Variants in EYS observed in about 807,000 individuals in gnomAD.
EYS encodes the protein protein eyes shut homolog.
In EYS, 250 loss-of-function variants were observed where a neutral mutation model predicts 282.1. That is an observed-to-expected ratio of 0.89 (90% confidence interval 0.80 to 0.98). The LOEUF is 0.98. Ranked by LOEUF, EYS falls within the 50% of genes least tolerant of loss-of-function variation. EYS has a pLI of 0.00. For synonymous variants in EYS, 1,355 were observed against 1,282.9 expected (o/e 1.06, Z -1.20); for missense variants, 4,016 against 3,709.0 (o/e 1.08, Z -2.15).
At chr6:64,217,159 A>C (rs1259231056) in intron 31 of EYS, among the ~76,000 whole-genome samples, 2 of 152,204 alleles carry the variant, frequency 1.3e-5, no homozygotes, top group Non-Finnish European at 2.9e-5. Context: ...GAATTCAGCT[A>C]TGTCTTCGGA....
chr6:65,654,214 C>T (rs1767743912), intron 1 of EYS, among the ~76,000 whole-genome samples: 1 of 151,738 alleles, frequency 6.6e-6, no homozygotes, highest in African/African-American at 2.4e-5. Flanking sequence ...AAAAAGGTAG[C>T]ATGAAACTAT....
In EYS at chr6:64,790,327, C is replaced by A. The variant is rs1036500743; in HGVS notation, c.3443+23051G>T. 9.5e-4 allele frequency among the ~76,000 whole-genome samples: 144 copies of A among 151,892 alleles called. 1 individual carries two copies. Among genetic ancestry groups the A allele is most frequent in the African/African-American group, 3.4e-3 (140 of 41,498 alleles). ...CCCATGTCATAAACCTGCACATACA[C>A]CCCCTGAACCTAAAAGTTGAAAAAC... On this transcript the variant is annotated intron_variant, in intron 22 of 42. Transcript: ENST00000503581.
intron 14 of EYS, among the ~76,000 whole-genome samples, chr6:64,958,592 G>A (rs62416464): frequency 0.14 from 21,080 of 150,978 alleles, 1,576 homozygotes; most frequent in East Asian, 0.24. Context: ...AAAATTAGCC[G>A]GGCGCAGTGG....
At chr6:64,063,989 T>C (rs970921725) in intron 33 of EYS, among the ~76,000 whole-genome samples, 3 of 152,020 alleles carry the variant, frequency 2.0e-5, no homozygotes, top group African/African-American at 7.2e-5. Context: ...CCCAAATGGT[T>C]TTTTCATGTA....
At chr6:64,049,731 G>A (rs1016037038) in intron 33 of EYS, among the ~76,000 whole-genome samples, 31 of 152,094 alleles carry the variant, frequency 2.0e-4, no homozygotes, top group Admixed American at 9.2e-4. Context: ...GGCACTTGGC[G>A]GAGAAACTAG....
At chr6:64,820,452 G>A (rs146262088) in intron 21 of EYS, among the ~76,000 whole-genome samples, 71 of 152,170 alleles carry the variant, frequency 4.7e-4, no homozygotes, top group African/African-American at 1.6e-3. Flanking sequence ...GGCAATATTT[G>A]CAGTAATGCA....
intron 12 of EYS, among the ~76,000 whole-genome samples, chr6:65,119,933 C>A (rs910676631): frequency 6.6e-6 from 1 of 151,278 alleles, no homozygotes; most frequent in Non-Finnish European, 1.5e-5. Flanking sequence ...GTCAGGAGAT[C>A]GAGACCATCC....
At chr6:65,294,197 C>T (rs1260010809) in intron 12 of EYS, among the ~76,000 whole-genome samples, 1 of 151,874 alleles carries the variant, frequency 6.6e-6, no homozygotes, top group Non-Finnish European at 1.5e-5. Context: ...CTACTTTAAA[C>T]TGCCCCCAAA....
At chr6:65,164,740 C>A (rs1213162443) in intron 12 of EYS, among the ~76,000 whole-genome samples, 1 of 151,266 alleles carries the variant, frequency 6.6e-6, no homozygotes, top group Non-Finnish European at 1.5e-5. Flanking sequence ...ATGTTGGTTA[C>A]TTCGGAGTGC....
chr6:65,696,865 G>A (rs6916913), intron 1 of EYS, among the ~76,000 whole-genome samples: 124,135 of 151,994 alleles, frequency 0.82, 50,794 homozygotes, highest in East Asian at 0.85. Context: ...AGTACTTAGA[G>A]TGTAGAATTC....
chr6:64,989,095 T>C (rs1770962467), intron 14 of EYS, among the ~76,000 whole-genome samples: 1 of 151,348 alleles, frequency 6.6e-6, no homozygotes, highest in South Asian at 2.1e-4. Flanking sequence ...TGAAGCATTT[T>C]ACATTTAATT....
intron 9 of EYS, among the ~76,000 whole-genome samples, chr6:65,351,386 T>C (rs1045609471): frequency 9.2e-5 from 14 of 151,816 alleles, no homozygotes; most frequent in Non-Finnish European, 1.6e-4. Flanking sequence ...ATAATTGCTT[T>C]CTGCTAAGTT....
chr6:64,067,287 C>T (rs1229160962), intron 32 of EYS, among the ~76,000 whole-genome samples: 1 of 152,064 alleles, frequency 6.6e-6, no homozygotes, highest in African/African-American at 2.4e-5. Flanking sequence ...AAGCATAAAG[C>T]TCAGTAAGTA....
chr6:63,947,028 C>T (rs1375410184), intron 35 of EYS, among the ~76,000 whole-genome samples: 2 of 151,732 alleles, frequency 1.3e-5, no homozygotes, highest in Non-Finnish European at 2.9e-5. Flanking sequence ...CCAAATATGC[C>T]TCAAAGGTAG....
chr6:64,421,354 C>G (rs887157500), intron 28 of EYS, among the ~76,000 whole-genome samples: 4 of 152,122 alleles, frequency 2.6e-5, no homozygotes, highest in African/African-American at 9.7e-5. Flanking sequence ...GGCTCCCTCC[C>G]ATGAACGTGG....
intron 12 of EYS, among the ~76,000 whole-genome samples, chr6:65,179,753 A>G (rs1240274301): frequency 6.6e-6 from 1 of 152,062 alleles, no homozygotes; most frequent in Non-Finnish European, 1.5e-5. Context: ...GACACAACAT[A>G]AAAAGAGAAT....
intron 2 of EYS, among the ~76,000 whole-genome samples, chr6:65,552,607 T>G (rs527891403): frequency 6.6e-6 from 1 of 152,236 alleles, no homozygotes; most frequent in South Asian, 2.1e-4. Context: ...GAAGCTGAAA[T>G]TTTCAATTTA....
chr6:64,885,781 C>A (rs1331994736), intron 19 of EYS, among the ~76,000 whole-genome samples: 1 of 151,724 alleles, frequency 6.6e-6, no homozygotes, highest in African/African-American at 2.4e-5. Flanking sequence ...TTTAAGGTCA[C>A]GTAACTTTCT....
intron 29 of EYS, among the ~76,000 whole-genome samples, chr6:64,333,573 A>C (rs1050196366): frequency 2.0e-5 from 3 of 152,158 alleles, no homozygotes; most frequent in Admixed American, 6.5e-5. Context: ...CATGCAACCC[A>C]CTCAATCTGA....
Sources: allele counts gnomAD v4.1 joint callset (sites outside exome capture counted in the v4.1 genomes callset), GRCh38; gene constraint gnomAD v4.1.1; transcripts MANE v1.5; gene names NCBI Gene and HGNC (gene_info 2026-07-23, HGNC 2026-07-21).